DAPK3: variants seen among roughly 807,000 people sequenced by gnomAD.
The protein encoded by DAPK3 is death associated protein kinase 3, also known as death-associated protein kinase 3.
Under a neutral mutation model 30.6 loss-of-function variants are expected in DAPK3, and 24 were observed. The observed-to-expected ratio is 0.78, with a 90% confidence interval of 0.57 to 1.10. DAPK3 has a LOEUF of 1.10. Ranked by LOEUF, DAPK3 falls within the 50% of genes least tolerant of loss-of-function variation. DAPK3 has a pLI of 0.00. For synonymous variants in DAPK3, 341 were observed against 284.0 expected (o/e 1.20, Z -2.02); for missense variants, 629 against 657.3 (o/e 0.96, Z 0.47).
chr19:3,970,125 C>G lies in DAPK3; in HGVS notation c.-94-296G>C, dbSNP rs962084187. Among the ~76,000 whole-genome samples the G allele has an allele frequency of 4.6e-5, 7 of 152,188 alleles. No individual in the cohort carries two copies. The East Asian group carries it at 1.3e-3, about 29-fold the overall frequency. On this transcript the variant is annotated intron_variant, in intron 1 of 8. Transcript: ENST00000545797. The stretch of plus-strand genomic sequence containing the variant: ...ACGCTGCCTGCGTCTTTTTTTGCCT[C>G]TCACTCCTAGACTTCTCTCAACCTG...
chr19:3,968,045 C>G (rs2039596178), intron 2 of DAPK3, among the ~76,000 whole-genome samples: 1 of 152,220 alleles, frequency 6.6e-6, no homozygotes, highest in Non-Finnish European at 1.5e-5. Flanking sequence ...CCAGGCTAGT[C>G]TTGAAGTCCT....
chr19:3,959,664 G>C lies in DAPK3; in HGVS notation c.829-27C>G, dbSNP rs749505415. ...TAGGAAGGAGGGAAGCCTGAGCGGG[G>C]TCCCCGCGATGCCACCCAGCCCCGC... On this transcript the variant is annotated intron_variant, in intron 8 of 8. Coordinates refer to ENST00000545797, the MANE Select transcript of DAPK3 (RefSeq NM_001348.3). 9 of 1,537,632 alleles carry C rather than the reference G, an allele frequency of 5.9e-6. No individual in the cohort carries two copies. The South Asian group carries it at 1.1e-4, about 18-fold the overall frequency.
Position 3,959,422 on chromosome 19 carries a change from G to A in DAPK3, c.1044C>T (p.Leu348=). Residue 348 remains leucine (L), a synonymous_variant, in exon 9 of 9, where the codon CTC becomes CTT. Transcript: ENST00000545797. ...CCAGCGCCTCCACGTCCTCGTGGCA[G>A]AGCCGCCGGCTGCGCTGCAGCTCGC... is the stretch of plus-strand genomic sequence containing the variant. The part of the protein sequence containing the change: ...GLRELQRSRR[L]CHEDVEALAA... 1 of 1,555,500 alleles carries A rather than the reference G, an allele frequency of 6.4e-7. No individual in the cohort carries two copies. Among genetic ancestry groups the A allele is most frequent in the Non-Finnish European group, 8.6e-7 (1 of 1,157,540 alleles).
At chr19:3,969,570 T>C in intron 2 of DAPK3, 104 bp downstream of exon 2, 1 of 768,510 alleles carries the variant, frequency 1.3e-6, no homozygotes, top group South Asian at 1.6e-5. Flanking sequence ...TCATTCCTTC[T>C]CAGCATACAG....
chr19:3,970,333 G>A (rs115835404), intron 1 of DAPK3, among the ~76,000 whole-genome samples: 7,262 of 152,092 alleles, frequency 0.048, 565 homozygotes, highest in African/African-American at 0.16. Flanking sequence ...GTGCAATCAT[G>A]GCTCACTGCA....
chr19:3,959,429 C>A lies in DAPK3; in HGVS notation c.1037G>T (p.Arg346Leu), dbSNP rs1170551655. ...EEGLRELQRSRRLCHEDVEAL... is the reference protein window; with the variant it reads ...EEGLRELQRSLRLCHEDVEAL... ...CTCCACGTCCTCGTGGCAGAGCCGC[C>A]GGCTGCGCTGCAGCTCGCGCAGGCC... Residue 346 changes from arginine (R) to leucine (L), a missense_variant, in exon 9 of 9, where the codon CGG (arginine) becomes CTG (leucine). Around this residue, in one of 2 missense-constraint regions of DAPK3, gnomAD observed 323 missense variants for 278.8 expected, o/e 1.16. Coordinates refer to ENST00000545797, the MANE Select transcript of DAPK3 (RefSeq NM_001348.3). 1.3e-6 allele frequency: 2 copies of A among 1,552,034 alleles called. No homozygotes were observed. The highest frequency in any genetic ancestry group is 2.4e-5 in the East Asian group (1 of 42,384).
chr19:3,965,344 C>A lies in DAPK3; in HGVS notation c.63-353G>T, dbSNP rs57974733. Among the ~76,000 whole-genome samples, 866 of 152,286 alleles carry A rather than the reference C, an allele frequency of 5.7e-3. 10 individuals are homozygous for A. The highest frequency in any genetic ancestry group is 0.02 in the African/African-American group (830 of 41,550). ...AAGAGGGAACTGAGGGGGCCAGGCGCGGTGGCTCACGCCTGTAATCCCAGC... is the reference window on the plus strand; with the variant it reads ...AAGAGGGAACTGAGGGGGCCAGGCGAGGTGGCTCACGCCTGTAATCCCAGC... On this transcript the variant is annotated intron_variant, in intron 2 of 8. Coordinates refer to ENST00000545797, the MANE Select transcript of DAPK3 (RefSeq NM_001348.3).
At chr19:3,961,528 C>A (rs1398480871) in intron 6 of DAPK3, 1 of 512,522 alleles carries the variant, frequency 2.0e-6, no homozygotes. Context: ...TCAAGGTCAA[C>A]AGCCCGGCAG....
intron 2 of DAPK3, among the ~76,000 whole-genome samples, chr19:3,966,069 C>T (rs2039574484): frequency 6.6e-6 from 1 of 152,088 alleles, no homozygotes; most frequent in Non-Finnish European, 1.5e-5. Context: ...CAGGTGGAGC[C>T]GCTACATCTG....
intron 2 of DAPK3, among the ~76,000 whole-genome samples, chr19:3,966,480 CT>C (rs1336101077): frequency 6.6e-6 from 1 of 152,224 alleles, no homozygotes; most frequent in Non-Finnish European, 1.5e-5. Context: ...CTCTCTCTCC[CT>C]CTGCTGGGCT....
chr19:3,964,801 T>C lies in DAPK3; in HGVS notation c.253A>G (p.Asn85Asp), dbSNP rs757722900. 6.2e-7 allele frequency: 1 copy of C among 1,612,398 alleles called. No homozygotes were observed. The highest frequency in any genetic ancestry group is 1.1e-5 in the South Asian group (1 of 91,030). ...AGGATGAGGACCACGTCCGTCTTGT[T>C]CTCGAAGATGTCGTGCAGGGTGATG... ...NIITLHDIFE[N>D]KTDVVLILEL... The change falls in exon 3 of 9, where the codon AAC (asparagine) becomes GAC (aspartate). Residue 85 changes from asparagine (N) to aspartate (D), a missense_variant. Around this residue, in one of 2 missense-constraint regions of DAPK3, gnomAD observed 306 missense variants for 378.5 expected, o/e 0.81. Coordinates refer to ENST00000545797, the MANE Select transcript of DAPK3 (RefSeq NM_001348.3).
chr19:3,958,662 C>T lies in DAPK3; in HGVS notation c.*439G>A, dbSNP rs2039466725. 1 of 366,942 alleles carries T rather than the reference C, an allele frequency of 2.7e-6. No individual in the cohort carries two copies. The allele number at this position is 366,942 out of a possible 1,614,324, so 22.7% of individuals were successfully genotyped here. ...TGGGGACTGCCTGTCCGCCGTCCAT[C>T]CCACCCTCCCCGTCCCACGACCTCC... On this transcript the variant is annotated 3_prime_UTR_variant, in exon 9 of 9. Transcript: ENST00000545797.
Position 3,960,086 on chromosome 19 carries a change from G to A in DAPK3, c.801C>T (p.Ala267=), listed in dbSNP as rs759086869. The A allele has an allele frequency of 1.9e-5, 30 of 1,568,648 alleles. No homozygotes were observed. In the South Asian group the frequency reaches 2.6e-4, roughly 13 times the overall value. Reference sequence around the variant, plus strand: ...TAATCCAGGAATGTTCCAGGCTCTGGGCAATGGTCATTCTCCGCCTGGAAG... The same window carrying A: ...TAATCCAGGAATGTTCCAGGCTCTGAGCAATGGTCATTCTCCGCCTGGAAG... The part of the protein sequence containing the change: ...VKDPKRRMTI[A]QSLEHSWIKA... The change falls in exon 8 of 9, where the codon GCC becomes GCT. Residue 267 remains alanine (A), a synonymous_variant. Transcript: ENST00000545797.
At chr19:3,966,654 C>T (rs941015969) in intron 2 of DAPK3, among the ~76,000 whole-genome samples, 1 of 152,216 alleles carries the variant, frequency 6.6e-6, no homozygotes, top group South Asian at 2.1e-4. Flanking sequence ...GAGTGGACTT[C>T]GGCCCCGGGG....
intron 6 of DAPK3, 94 bp from the exon 7 acceptor site, chr19:3,961,255 A>G (rs1181355790): frequency 1.9e-6 from 2 of 1,051,274 alleles, no homozygotes; most frequent in East Asian, 2.5e-5. Flanking sequence ...AGCACAGAAG[A>G]CAGGCTGACG....
At chr19:3,961,796 T>C (rs888632619) in intron 6 of DAPK3, 3 of 305,958 alleles carry the variant, frequency 9.8e-6, no homozygotes, top group African/African-American at 6.5e-5. Flanking sequence ...CTAAATGCCG[T>C]GTGGGGACCT....
chr19:3,968,103 C>T (rs2039596642), intron 2 of DAPK3, among the ~76,000 whole-genome samples: 1 of 151,738 alleles, frequency 6.6e-6, no homozygotes, highest in African/African-American at 2.4e-5. Context: ...GCTAGAATTA[C>T]AGGCGGAAGC....
chr19:3,961,648 G>C (rs572098552), intron 6 of DAPK3: 1 of 401,252 alleles, frequency 2.5e-6, no homozygotes, highest in Non-Finnish European at 5.1e-6. Flanking sequence ...TCGTCTGATC[G>C]TGACAGCGCA....
intron 6 of DAPK3, chr19:3,961,502 C>A (rs749029767): frequency 3.7e-6 from 2 of 535,608 alleles, no homozygotes; most frequent in Non-Finnish European, 7.6e-6. Context: ...CCCGAGCCAA[C>A]ACCTTAGCCA....
Sources: gnomAD v4.1 joint callset for allele counts (sites outside exome capture counted in the v4.1 genomes callset) on GRCh38, gnomAD v4.1.1 for gene constraint, gnomAD v4.1.1 regional missense constraint, MANE v1.5 for transcripts, NCBI Gene and HGNC (gene_info 2026-07-23, HGNC 2026-07-21) for gene names.